The following RBFOX2 variants were observed in gnomAD, a reference collection of about 807,000 sequenced individuals.
The protein encoded by RBFOX2 is RNA binding fox-1 homolog 2.
RBFOX2 carries 10 observed loss-of-function variants against 49.1 expected under a neutral mutation model. The ratio of observed to expected loss-of-function variants is 0.20; its 90% CI spans 0.13 to 0.35. The LOEUF is 0.35. Ranked by LOEUF, RBFOX2 falls within the 10% of genes least tolerant of loss-of-function variation. RBFOX2 has a pLI of 1.00. For synonymous variants in RBFOX2, 183 were observed against 187.4 expected (o/e 0.98, Z 0.19); for missense variants, 323 against 486.9 (o/e 0.66, Z 3.17).
chr22:35,862,777 T>A (rs144825683), intron 1 of RBFOX2, among the ~76,000 whole-genome samples: 3 of 152,310 alleles, frequency 2.0e-5, no homozygotes, highest in South Asian at 2.1e-4. Context: ...TTAACACCTC[T>A]CTGCCTCAAG....
upstream of RBFOX2, among the ~76,000 whole-genome samples, chr22:35,940,302 C>T (rs938736057): frequency 2.0e-5 from 3 of 152,126 alleles, no homozygotes; most frequent in African/African-American, 7.2e-5. Context: ...GGAATTCAGA[C>T]AGTTCTGCAA....
intron 1 of RBFOX2, among the ~76,000 whole-genome samples, chr22:35,817,699 G>T (rs1953442625): frequency 6.6e-6 from 1 of 152,080 alleles, no homozygotes; most frequent in African/African-American, 2.4e-5. Context: ...TATAACTAAA[G>T]AATCAGGACC....
At chr22:35,805,059 G>A (rs552366326) in intron 2 of RBFOX2, among the ~76,000 whole-genome samples, 4 of 151,962 alleles carry the variant, frequency 2.6e-5, no homozygotes, top group East Asian at 1.9e-4. Context: ...AGGCCGAGGC[G>A]GGCGGATCAC....
At chr22:35,870,041 C>G (rs1418071779) in intron 1 of RBFOX2, among the ~76,000 whole-genome samples, 3 of 152,120 alleles carry the variant, frequency 2.0e-5, no homozygotes, top group African/African-American at 7.2e-5. Context: ...GAGATCATGG[C>G]TCTAAACATA....
chr22:35,790,840 T>A (rs1947447964), intron 2 of RBFOX2, among the ~76,000 whole-genome samples: 1 of 151,700 alleles, frequency 6.6e-6, no homozygotes, highest in South Asian at 2.1e-4. Context: ...AAACCCTATC[T>A]CTACAAAAAA....
intron 1 of RBFOX2, among the ~76,000 whole-genome samples, chr22:36,018,270 G>C (rs559194811): frequency 6.6e-6 from 1 of 152,308 alleles, no homozygotes; most frequent in Admixed American, 6.5e-5. Context: ...TGTCTTGGAA[G>C]ACAGCAGGAG....
At chr22:35,778,878 C>G (rs140270121) in intron 3 of RBFOX2, among the ~76,000 whole-genome samples, 1 of 152,152 alleles carries the variant, frequency 6.6e-6, no homozygotes, top group African/African-American at 2.4e-5. Flanking sequence ...TTCATGTGAT[C>G]TGCCTGCCTC....
intron 1 of RBFOX2, among the ~76,000 whole-genome samples, chr22:35,894,990 A>AG (rs1177164391): frequency 9.9e-5 from 15 of 150,900 alleles, no homozygotes; most frequent in Non-Finnish European, 7.4e-5. Flanking sequence ...AAAAAAAAAA[A>AG]AAGAAAAGAC....
chr22:35,947,672 T>TAAAAAAAAAA (rs559788717), intron 1 of RBFOX2, among the ~76,000 whole-genome samples: 11 of 34,102 alleles, frequency 3.2e-4, no homozygotes, highest in African/African-American at 6.0e-4. Flanking sequence ...GTTTAAAAAG[T>TAAAAAAAAAA]AAAAAAAAAA....
At chr22:36,021,778 C>T (rs2059256581) in intron 1 of RBFOX2, among the ~76,000 whole-genome samples, 1 of 152,216 alleles carries the variant, frequency 6.6e-6, no homozygotes, top group Non-Finnish European at 1.5e-5. Context: ...TTGTCCCAAT[C>T]CTGGCTCAAG....
chr22:35,955,359 T>C (rs907857989), intron 1 of RBFOX2, among the ~76,000 whole-genome samples: 2 of 152,186 alleles, frequency 1.3e-5, no homozygotes, highest in African/African-American at 4.8e-5. Flanking sequence ...GTATCAATAA[T>C]AAACCAACCA....
chr22:35,778,154 A>T, intron 3 of RBFOX2, 76 bp from the exon 5 acceptor site: 1 of 1,220,358 alleles, frequency 8.2e-7, no homozygotes, highest in South Asian at 1.3e-5. Flanking sequence ...CTGAAATGGG[A>T]ATAGTTTATT....
chr22:35,759,798 C>T lies in RBFOX2; in HGVS notation c.887+90G>A, dbSNP rs548636693. ...GAATGCCTACTCTGTGACACGGCAACATCCCAGAAGTTATGAAAGGGCCAT... is the reference window on the plus strand; with the variant it reads ...GAATGCCTACTCTGTGACACGGCAATATCCCAGAAGTTATGAAAGGGCCAT... On this transcript the variant is annotated intron_variant, in intron 9 of 11. Coordinates refer to ENST00000405409, the Ensembl canonical transcript of RBFOX2. The surrounding 1 kb of genome is among the most constrained non-coding windows in gnomAD (Gnocchi z 4.6). The T allele has an allele frequency of 1.3e-6, 2 of 1,530,000 alleles. No homozygotes were observed. The highest frequency in any genetic ancestry group is 1.2e-5 in the South Asian group (1 of 84,024). The allele number at this position is 1,530,000 out of a possible 1,614,324, so 94.8% of individuals were successfully genotyped here. A position where few individuals can be genotyped will look rare whatever the true frequency, so the allele number is the denominator to read the frequency against.
At chr22:35,876,207 T>C (rs1456795450) in intron 1 of RBFOX2, among the ~76,000 whole-genome samples, 1 of 152,140 alleles carries the variant, frequency 6.6e-6, no homozygotes. Context: ...TGGGGGGTAC[T>C]TTTAAGTAGC....
intron 10 of RBFOX2, 47 bp downstream of exon 12, chr22:35,746,426 G>T: frequency 7.0e-7 from 1 of 1,432,880 alleles, no homozygotes; most frequent in Non-Finnish European, 9.6e-7. Flanking sequence ...TTTTGGGATG[G>T]AACAGCTCTC....
exon 12 of RBFOX2, chr22:35,739,209 T>A (rs1928555342): frequency 6.6e-6 from 1 of 152,418 alleles, no homozygotes. Flanking sequence ...GCCATGGCAA[T>A]GGGAGGGGCT....
intron 1 of RBFOX2, among the ~76,000 whole-genome samples, chr22:35,855,400 C>T (rs1380944330): frequency 8.6e-5 from 13 of 152,016 alleles, no homozygotes; most frequent in Admixed American, 8.5e-4. Context: ...CAAAGACATG[C>T]AATACCAATT....
chr22:35,776,923 C>A (rs1944050753), intron 4 of RBFOX2, among the ~76,000 whole-genome samples: 1 of 151,504 alleles, frequency 6.6e-6, no homozygotes, highest in Non-Finnish European at 1.5e-5. Context: ...CTTTGCCATT[C>A]CCTTGTTCTT....
chr22:35,994,379 TATTC>T (rs1344488098), intron 1 of RBFOX2: 1 of 150,906 alleles, frequency 6.6e-6, no homozygotes, highest in African/African-American at 2.4e-5. Context: ...TCCTTTTATT[TATTC>T]ATTTTATTTA....
Sources: allele counts gnomAD v4.1 joint callset (sites outside exome capture counted in the v4.1 genomes callset), GRCh38; gene constraint gnomAD v4.1.1; non-coding constraint Gnocchi (gnomAD v3.1); transcripts MANE v1.5; gene names NCBI Gene and HGNC (gene_info 2026-07-23, HGNC 2026-07-21).